TRIM24: variants seen among roughly 807,000 people sequenced by gnomAD.
TRIM24 encodes the protein tripartite motif containing 24.
Under a neutral mutation model 123.9 loss-of-function variants are expected in TRIM24, and 29 were observed. That is an observed-to-expected ratio of 0.23 (90% confidence interval 0.17 to 0.32). The LOEUF is 0.32. TRIM24 is among the 10% of genes least tolerant of loss of function. TRIM24 has a pLI of 1.00. For missense variants in TRIM24, 932 were observed against 1,295.3 expected, an observed-to-expected ratio of 0.72 and a Z score of 4.31; for synonymous variants, 456 against 461.1, an observed-to-expected ratio of 0.99 and a Z score of 0.14.
chr7:138,524,965 T>A (rs1796578403), intron 4 of TRIM24, among the ~76,000 whole-genome samples: 1 of 152,126 alleles, frequency 6.6e-6, no homozygotes, highest in Non-Finnish European at 1.5e-5. Flanking sequence ...TTTTGCCAAG[T>A]CCACCAAGTG....
chr7:138,576,869 T>TC (rs1303318802), intron 13 of TRIM24, among the ~76,000 whole-genome samples: 1 of 152,184 alleles, frequency 6.6e-6, no homozygotes, highest in African/African-American at 2.4e-5. Context: ...GCTCTCCTCT[T>TC]CCCTGCATTA....
intron 1 of TRIM24, among the ~76,000 whole-genome samples, chr7:138,489,503 G>A (rs551611992): frequency 6.6e-6 from 1 of 152,264 alleles, no homozygotes; most frequent in East Asian, 1.9e-4. Flanking sequence ...TCCTTTCCAT[G>A]TTTAGTGCTT....
intron 1 of TRIM24, among the ~76,000 whole-genome samples, chr7:138,496,766 A>C (rs1795916655): frequency 6.6e-6 from 1 of 151,634 alleles, no homozygotes; most frequent in South Asian, 2.1e-4. Flanking sequence ...CTCGCAAAGC[A>C]CTGGGATTTC....
chr7:138,584,167 A>T (rs970365984), intron 18 of TRIM24, among the ~76,000 whole-genome samples, 168 bp downstream of exon 18: 3 of 152,250 alleles, frequency 2.0e-5, no homozygotes, highest in Non-Finnish European at 4.4e-5. Flanking sequence ...GTCCACATTT[A>T]TATTCAAAGG....
intron 1 of TRIM24, among the ~76,000 whole-genome samples, chr7:138,492,647 T>C (rs1285842922): frequency 2.0e-5 from 3 of 152,132 alleles, no homozygotes; most frequent in African/African-American, 4.8e-5. Context: ...GCAGAATAGT[T>C]TGGGGAAAGT....
At position 138,585,037 on chromosome 7, in the gene TRIM24, A is replaced by G. The variant is rs1182718092; in HGVS notation, c.*86A>G. ...TCAGTAATTTAACATCACTACAAAA[A>G]GAAGAGTTTGTGACTATTCTCATCT... On this transcript the variant is annotated 3_prime_UTR_variant, in exon 19 of 19. Transcript: ENST00000343526. The G allele has an allele frequency of 1.6e-6, 2 of 1,216,276 alleles. No homozygotes were observed. Among genetic ancestry groups the G allele is most frequent in the Non-Finnish European group, 2.3e-6 (2 of 872,312 alleles). The allele number at this position is 1,216,276 out of a possible 1,614,324, so 75.3% of individuals were successfully genotyped here. A position where few individuals can be genotyped will look rare whatever the true frequency, so the allele number is the denominator to read the frequency against.
chr7:138,499,457 A>G (rs1177908360), intron 1 of TRIM24, among the ~76,000 whole-genome samples: 1 of 152,206 alleles, frequency 6.6e-6, no homozygotes. Context: ...CTTAGCATTC[A>G]TTGCAAATCG....
chr7:138,537,164 G>A (rs899309067), intron 6 of TRIM24, among the ~76,000 whole-genome samples: 1 of 152,086 alleles, frequency 6.6e-6, no homozygotes. Flanking sequence ...TGTGCTTCCC[G>A]GGTGAGGCGA....
chr7:138,460,485 GGTC>G lies in TRIM24; in HGVS notation c.-59_-57del, dbSNP rs1425824425. On this transcript the variant is annotated 5_prime_UTR_variant, in exon 1 of 19. Transcript: ENST00000343526. ...AGGAGCAGCCGCAGGAGGAGGAGGA[GGTC>G]GTCGGGGGCGGCGGGCGGAGACCGC... The G allele has an allele frequency of 4.8e-6, 6 of 1,254,128 alleles. No homozygotes were observed. 77.7% of individuals were successfully genotyped at this position (1,254,128 alleles called of 1,614,324 possible).
At chr7:138,568,939 C>T (rs577982802) in intron 10 of TRIM24, among the ~76,000 whole-genome samples, 2 of 152,208 alleles carry the variant, frequency 1.3e-5, no homozygotes, top group African/African-American at 2.4e-5. Context: ...CTATACATAT[C>T]TTCGTATAAT....
chr7:138,577,378 T>TAACA, intron 13 of TRIM24, 42 bp from the exon 14 acceptor site: 1 of 1,445,904 alleles, frequency 6.9e-7, no homozygotes, highest in African/African-American at 1.5e-5. Flanking sequence ...GTATTTAGCT[T>TAACA]AACATTCTTA....
At chr7:138,548,342 G>T (rs775248642) in intron 7 of TRIM24, among the ~76,000 whole-genome samples, 4 of 151,808 alleles carry the variant, frequency 2.6e-5, no homozygotes, top group Non-Finnish European at 4.4e-5. Flanking sequence ...TTTAAAAATG[G>T]TACACCATGG....
At chr7:138,462,241 C>T (rs1795004639) in intron 1 of TRIM24, among the ~76,000 whole-genome samples, 1 of 152,152 alleles carries the variant, frequency 6.6e-6, no homozygotes, top group South Asian at 2.1e-4. Flanking sequence ...GCTTAGGGTT[C>T]CTCTCCTGTA....
At chr7:138,483,129 A>G (rs1370657295) in intron 1 of TRIM24, among the ~76,000 whole-genome samples, 3 of 151,742 alleles carry the variant, frequency 2.0e-5, no homozygotes, top group African/African-American at 7.3e-5. Flanking sequence ...TTTGTTGCCC[A>G]GGCTGGTGTC....
At position 138,503,541 on chromosome 7, in the gene TRIM24, T is replaced by TA. The variant is rs530117406; in HGVS notation, c.365-748dup. Reference sequence around the variant, plus strand: ...CTTTGGATTACTTTGTATTTGTTCTTATGCATTTCATTAAAAAATATATCT... The same window carrying TA: ...CTTTGGATTACTTTGTATTTGTTCTTAATGCATTTCATTAAAAAATATATCT... On this transcript the variant is annotated intron_variant, in intron 1 of 18. Transcript: ENST00000343526. Among the ~76,000 whole-genome samples the TA allele has an allele frequency of 9.8e-3, 1,488 of 152,180 alleles. 18 individuals carry two copies. Among genetic ancestry groups the TA allele is most frequent in the Non-Finnish European group, 0.014 (972 of 67,992 alleles).
chr7:138,489,265 G>A (rs1795725194), intron 1 of TRIM24, among the ~76,000 whole-genome samples: 2 of 152,106 alleles, frequency 1.3e-5, no homozygotes, highest in South Asian at 2.1e-4. Flanking sequence ...TGGGTCTCCC[G>A]AATATAGCAC....
chr7:138,560,976 C>G (rs1797415246), intron 9 of TRIM24, among the ~76,000 whole-genome samples: 1 of 152,162 alleles, frequency 6.6e-6, no homozygotes, highest in African/African-American at 2.4e-5. Flanking sequence ...TCTTTGGGGC[C>G]TATACAGCAT....
At chr7:138,538,381 C>A (rs1192603030) in intron 6 of TRIM24, among the ~76,000 whole-genome samples, 3 of 152,136 alleles carry the variant, frequency 2.0e-5, no homozygotes, top group African/African-American at 7.2e-5. Context: ...GCTAATCTTT[C>A]CTTTTTTGTG....
chr7:138,486,629 C>T lies in TRIM24; in HGVS notation c.365-17661C>T, dbSNP rs929453203. Among the ~76,000 whole-genome samples, 8 of 152,188 alleles carry T rather than the reference C, an allele frequency of 5.3e-5. No homozygotes were observed. In the South Asian group the frequency reaches 1.2e-3, roughly 24 times the overall value. ...CATTTCTTGTTTTTGTCAGGTTTGT[C>T]GAAGATCAGATGGTTATAGATGTCT... On this transcript the variant is annotated intron_variant, in intron 1 of 18. Transcript: ENST00000343526.
Sources: gnomAD v4.1 joint callset for allele counts (sites outside exome capture counted in the v4.1 genomes callset) on GRCh38, gnomAD v4.1.1 for gene constraint, MANE v1.5 for transcripts, NCBI Gene and HGNC (gene_info 2026-07-23, HGNC 2026-07-21) for gene names.